The following ILRUN variants were observed in gnomAD, a reference collection of about 807,000 sequenced individuals.
ILRUN encodes the protein inflammation and lipid regulator with UBA-like and NBR1-like domains.
ILRUN carries 3 observed loss-of-function variants against 33.8 expected under a neutral mutation model. The observed-to-expected ratio is 0.09, with a 90% confidence interval of 0.04 to 0.23. ILRUN has a LOEUF of 0.23. ILRUN is among the 10% of genes least tolerant of loss of function. ILRUN has a pLI of 1.00. For synonymous variants in ILRUN, 124 were observed against 138.9 expected, an observed-to-expected ratio of 0.89 and a Z score of 0.75; for missense variants, 210 against 375.1, an observed-to-expected ratio of 0.56 and a Z score of 3.64.
At chr6:34,676,635 TG>T (rs1347263649) in intron 1 of ILRUN, among the ~76,000 whole-genome samples, 1 of 151,610 alleles carries the variant, frequency 6.6e-6, no homozygotes, top group East Asian at 2.0e-4. Context: ...CCCAAGTAGC[TG>T]GGACTACAGG....
chr6:34,673,984 A>T (rs1038968602), intron 1 of ILRUN, among the ~76,000 whole-genome samples: 4 of 152,082 alleles, frequency 2.6e-5, no homozygotes, highest in Non-Finnish European at 5.9e-5. Context: ...GGAGAACAGG[A>T]AATGGGGTGA....
chr6:34,642,099 G>A (rs1211117746), intron 3 of ILRUN, among the ~76,000 whole-genome samples: 1 of 152,166 alleles, frequency 6.6e-6, no homozygotes, highest in Admixed American at 6.6e-5. Context: ...ATCCACTATG[G>A]AAGATCATTG....
At chr6:34,659,646 G>C (rs1236210727) in intron 1 of ILRUN, among the ~76,000 whole-genome samples, 1 of 109,428 alleles carries the variant, frequency 9.1e-6, no homozygotes, top group African/African-American at 3.9e-5. Context: ...TTTTTTTAAC[G>C]GAGTCTCACT....
intron 3 of ILRUN, among the ~76,000 whole-genome samples, chr6:34,627,766 T>C (rs2263329): frequency 0.46 from 68,468 of 149,678 alleles, 17,432 homozygotes; most frequent in African/African-American, 0.7. Context: ...TGCAATGGCG[T>C]GATCTCGGCT....
intron 1 of ILRUN, among the ~76,000 whole-genome samples, chr6:34,687,803 G>A (rs1181072792): frequency 6.6e-6 from 1 of 151,174 alleles, no homozygotes; most frequent in East Asian, 1.9e-4. Context: ...AAGATGTGGA[G>A]AAATTGCGAC....
At chr6:34,625,050 T>G (rs1762090390) in intron 3 of ILRUN, among the ~76,000 whole-genome samples, 1 of 152,010 alleles carries the variant, frequency 6.6e-6, no homozygotes, top group African/African-American at 2.4e-5. Flanking sequence ...CATAGTAACC[T>G]CTCCCCATCA....
intron 1 of ILRUN, among the ~76,000 whole-genome samples, chr6:34,681,108 C>T (rs1213960535): frequency 6.6e-6 from 1 of 151,378 alleles, no homozygotes; most frequent in East Asian, 1.9e-4. Context: ...GACCAGAAAG[C>T]ACTTTAGAAG....
chr6:34,667,524 G>C (rs553293962), intron 1 of ILRUN, among the ~76,000 whole-genome samples: 1 of 152,174 alleles, frequency 6.6e-6, no homozygotes, highest in Non-Finnish European at 1.5e-5. Flanking sequence ...AAACAGTGGA[G>C]AGGAAGACTG....
At chr6:34,666,298 G>C (rs762366025) in intron 1 of ILRUN, among the ~76,000 whole-genome samples, 17 of 152,182 alleles carry the variant, frequency 1.1e-4, no homozygotes, top group Non-Finnish European at 1.8e-4. Flanking sequence ...GGTGGCTCAT[G>C]CCTGTAATCC....
At chr6:34,676,238 T>C (rs527978434) in intron 1 of ILRUN, among the ~76,000 whole-genome samples, 16 of 142,356 alleles carry the variant, frequency 1.1e-4, no homozygotes, top group African/African-American at 4.2e-4. Context: ...ACATTGTCTC[T>C]ACAAAAAAAA....
intron 1 of ILRUN, among the ~76,000 whole-genome samples, chr6:34,662,324 A>G (rs1477756506): frequency 1.3e-5 from 2 of 151,578 alleles, no homozygotes; most frequent in East Asian, 3.9e-4. Context: ...AAAAAAAGAA[A>G]AAGAAAAGAA....
At chr6:34,616,616 A>G in intron 3 of ILRUN, 1 of 1,570,984 alleles carries the variant, frequency 6.4e-7, no homozygotes, top group Non-Finnish European at 8.6e-7. Context: ...TGCAGAGCTG[A>G]AGATCAATCG....
intron 3 of ILRUN, among the ~76,000 whole-genome samples, chr6:34,630,467 T>C (rs1762223542): frequency 6.6e-6 from 1 of 151,900 alleles, no homozygotes; most frequent in Non-Finnish European, 1.5e-5. Context: ...CACTGCAACC[T>C]CCGCCTCCTG....
At chr6:34,674,656 G>A (rs1181190893) in intron 1 of ILRUN, among the ~76,000 whole-genome samples, 1 of 152,190 alleles carries the variant, frequency 6.6e-6, no homozygotes. Context: ...CTTTTAACAA[G>A]CTGACAGAAC....
intron 1 of ILRUN, among the ~76,000 whole-genome samples, chr6:34,691,264 G>A (rs1183007042): frequency 6.6e-6 from 1 of 152,156 alleles, no homozygotes; most frequent in Non-Finnish European, 1.5e-5. Flanking sequence ...TAGTATCTCT[G>A]AAAGACATTC....
At chr6:34,607,612 T>C (rs751268760) in intron 3 of ILRUN, among the ~76,000 whole-genome samples, 3 of 150,970 alleles carry the variant, frequency 2.0e-5, no homozygotes, top group Non-Finnish European at 2.9e-5. Context: ...AATGTATCAT[T>C]AGGCAATTTA....
chr6:34,630,870 C>T (rs1762231361), intron 3 of ILRUN, among the ~76,000 whole-genome samples: 1 of 152,196 alleles, frequency 6.6e-6, no homozygotes, highest in Non-Finnish European at 1.5e-5. Context: ...TTTCTACTGA[C>T]ATATCCACAA....
In ILRUN at chr6:34,687,672, T is replaced by C. The variant is rs555406501; in HGVS notation, c.158+8774A>G. ...GAGATTGCACCACTGCACTCCAGCC[T>C]GGGCAACAGAGCAAGACTCCATCTC... On this transcript the variant is annotated intron_variant, in intron 1 of 4. Coordinates refer to ENST00000374023, the MANE Select transcript of ILRUN (RefSeq NM_024294.4). Among the ~76,000 whole-genome samples, 894 of 145,390 alleles carry C rather than the reference T, an allele frequency of 6.1e-3. 12 individuals are homozygous for C. The highest frequency in any genetic ancestry group is 0.019 in the African/African-American group (718 of 38,176).
In ILRUN at chr6:34,654,720, G is replaced by A; in HGVS notation, c.218C>T (p.Pro73Leu). The A allele has an allele frequency of 6.2e-7, 1 of 1,613,924 alleles. No homozygotes were observed. Among genetic ancestry groups the A allele is most frequent in the Admixed American group, 1.7e-5 (1 of 59,992 alleles). ...YDFESPNISV[P>L]SMSFVEDVTI... Reference sequence around the variant, plus strand: ...GACATCTTCAACAAAGGACATAGAGGGCACACTGATGTTTGGGCTCTCAAA... The same window carrying A: ...GACATCTTCAACAAAGGACATAGAGAGCACACTGATGTTTGGGCTCTCAAA... The change falls in exon 2 of 5, where the codon CCC becomes CTC. Residue 73 changes from proline to leucine, a missense_variant. Around this residue, in one of 4 missense-constraint regions of ILRUN, gnomAD observed 61 missense variants for 94.4 expected, o/e 0.65. Transcript: ENST00000374023.
Sources: gnomAD v4.1 joint callset for allele counts (sites outside exome capture counted in the v4.1 genomes callset) on GRCh38, gnomAD v4.1.1 for gene constraint, gnomAD v4.1.1 regional missense constraint, MANE v1.5 for transcripts, NCBI Gene and HGNC (gene_info 2026-07-23, HGNC 2026-07-21) for gene names.